OGT: variants seen among roughly 807,000 people sequenced by gnomAD.
OGT encodes the protein UDP-N-acetylglucosamine--peptide N-acetylglucosaminyltransferase 110 kDa subunit.
OGT carries 3 observed loss-of-function variants against 75.8 expected under a neutral mutation model. The ratio of observed to expected loss-of-function variants is 0.04; its 90% CI spans 0.02 to 0.10. OGT has a LOEUF of 0.10. Among genes scored for constraint, OGT ranks in the 10% least tolerant of loss-of-function variants. The pLI is 1.00. For missense variants in OGT, 260 were observed against 824.4 expected (o/e 0.32, Z 8.38); for synonymous variants, 257 against 289.7 (o/e 0.89, Z 1.15).
At chrX:71,570,334 T>C (rs2040449584) in intron 21 of OGT, among the ~76,000 whole-genome samples, 1 of 111,892 alleles carries the variant, frequency 8.9e-6, no homozygotes, top group Non-Finnish European at 1.9e-5. Context: ...CCACCGTGCC[T>C]GACGGGTATT....
chrX:71,567,149 A>G (rs2040422031), intron 19 of OGT, among the ~76,000 whole-genome samples: 1 of 112,562 alleles, frequency 8.9e-6, no homozygotes, highest in Non-Finnish European at 1.9e-5. Flanking sequence ...AGGCAAAGAA[A>G]GTTAGGCAAG....
chrX:71,547,117 A>C, intron 4 of OGT: 1 of 754,522 alleles, frequency 1.3e-6, no homozygotes. Flanking sequence ...AGGGACCTCA[A>C]CCTAGGTGCA....
intron 18 of OGT, 144 bp from the exon 19 acceptor site, chrX:71,564,457 T>C: frequency 2.1e-6 from 1 of 483,230 alleles, no homozygotes; most frequent in East Asian, 4.1e-5. Flanking sequence ...CTGCAACGGT[T>C]TGCCTTTTCT....
chrX:71,573,232 G>T (rs1489827358), intron 21 of OGT, among the ~76,000 whole-genome samples: 1 of 112,008 alleles, frequency 8.9e-6, no homozygotes, highest in East Asian at 2.8e-4. Context: ...AGGCCAGAGG[G>T]TTATGAACAT....
At chrX:71,569,582 C>A (rs975814523) in intron 21 of OGT, among the ~76,000 whole-genome samples, 3 of 110,431 alleles carry the variant, frequency 2.7e-5, no homozygotes, top group African/African-American at 9.9e-5. Flanking sequence ...CCTCCACGTC[C>A]TGGGCTCAGG....
chrX:71,536,970 T>G (rs1212241110), intron 2 of OGT: 2 of 194,768 alleles, frequency 1.0e-5, no homozygotes, highest in Non-Finnish European at 1.8e-5. Context: ...GGGTTTTTTT[T>G]TTTTTTTTTT....
chrX:71,571,079 G>A (rs1473394944), intron 21 of OGT, among the ~76,000 whole-genome samples: 3 of 109,534 alleles, frequency 2.7e-5, no homozygotes, highest in African/African-American at 1.0e-4. Context: ...GGGATTACAG[G>A]CGCGTGAGAC....
In OGT at chrX:71,533,179, A is replaced by G. The variant is rs2040146183; in HGVS notation, c.-121A>G. 4.5e-6 allele frequency: 3 copies of G among 673,084 alleles called. No individual in the cohort carries two copies. Among genetic ancestry groups the G allele is most frequent in the South Asian group, 4.9e-5 (2 of 40,905 alleles). The allele number at this position is 673,084 out of a possible 1,213,427, so 55.5% of individuals were successfully genotyped here. ...AGCCTGTAACTGCTGCCGCCGCTCA[A>G]GCCCTCCAGAGCATTGCTACGGCTG... On this transcript the variant is annotated 5_prime_UTR_variant, in exon 1 of 22. Coordinates refer to ENST00000373719, the MANE Select transcript of OGT (RefSeq NM_181672.3).
At chrX:71,546,760 GCT>G in intron 4 of OGT, 1 of 754,170 alleles carries the variant, frequency 1.3e-6, no homozygotes, top group Non-Finnish European at 1.6e-6. Flanking sequence ...GCAGCATTCT[GCT>G]CTTCTGATGA....
intron 5 of OGT, among the ~76,000 whole-genome samples, chrX:71,552,091 G>T (rs912674541): frequency 1.9e-5 from 2 of 107,722 alleles, no homozygotes; most frequent in Admixed American, 9.9e-5. Flanking sequence ...GTGCGGTGGC[G>T]TGTGCCTGTA....
chrX:71,571,808 C>T (rs922873205), intron 21 of OGT, among the ~76,000 whole-genome samples: 3 of 109,251 alleles, frequency 2.7e-5, no homozygotes, highest in Admixed American at 9.8e-5. Context: ...CTTGCTCTGT[C>T]GCCCAAGTTG....
chrX:71,563,064 T>G, intron 16 of OGT, 47 bp downstream of exon 16: 1 of 1,192,507 alleles, frequency 8.4e-7, no homozygotes, highest in Non-Finnish European at 1.1e-6. Flanking sequence ...AACTGTAGCT[T>G]TTTATTTCCT....
intron 14 of OGT, among the ~76,000 whole-genome samples, chrX:71,559,888 G>C (rs914841196): frequency 9.0e-6 from 1 of 111,695 alleles, no homozygotes; most frequent in African/African-American, 3.3e-5. Context: ...CTTGTGCTTG[G>C]ACATACAACT....
chrX:71,569,210 C>T (rs921834213), intron 21 of OGT, among the ~76,000 whole-genome samples: 1 of 111,607 alleles, frequency 9.0e-6, no homozygotes, highest in Non-Finnish European at 1.9e-5. Context: ...CGTCTGTAGT[C>T]CCAGCTACTT....
Position 71,568,024 on chromosome X carries a change from C to T in OGT, c.2874C>T (p.Ser958=). 1 of 1,209,426 alleles carries T rather than the reference C, an allele frequency of 8.3e-7. No individual in the cohort carries two copies. Among genetic ancestry groups the T allele is most frequent in the Non-Finnish European group, 1.1e-6 (1 of 893,990 alleles). The change falls in exon 21 of 22, where the codon TCC becomes TCT. Residue 958 remains serine (S), a synonymous_variant. Transcript: ENST00000373719. ...GETLASRVAA[S]QLTCLGCLEL... is the part of the protein sequence containing the mutation. ...CTCTTGCTTCTCGAGTTGCAGCATC[C>T]CAGCTCACTTGCTTAGGTTGTCTTG... is the stretch of plus-strand genomic sequence containing the variant.
intron 14 of OGT, among the ~76,000 whole-genome samples, chrX:71,560,275 C>CAA (rs764918597): frequency 0.042 from 1,902 of 45,700 alleles, 43 homozygotes; most frequent in Non-Finnish European, 0.064. Context: ...GACTCTGTCT[C>CAA]AAAAAAAAAA....
At chrX:71,567,358 T>C in intron 19 of OGT, 142 bp from the exon 20 acceptor site, 1 of 416,197 alleles carries the variant, frequency 2.4e-6, no homozygotes, top group Non-Finnish European at 3.9e-6. Flanking sequence ...TTCATCTCTG[T>C]GAAGGAAAGA....
At chrX:71,560,035 A>C (rs1297128866) in intron 14 of OGT, among the ~76,000 whole-genome samples, 1 of 110,727 alleles carries the variant, frequency 9.0e-6, no homozygotes, top group Non-Finnish European at 1.9e-5. Flanking sequence ...TAATCCCAGC[A>C]CTTTGGGAGG....
At chrX:71,562,186 G>A (rs763996083) in intron 15 of OGT, among the ~76,000 whole-genome samples, 3 of 112,621 alleles carry the variant, frequency 2.7e-5, no homozygotes, top group South Asian at 3.7e-4. Flanking sequence ...AATACAGGCC[G>A]GGTATGGTGG....
Sources: allele counts gnomAD v4.1 joint callset (sites outside exome capture counted in the v4.1 genomes callset), GRCh38; gene constraint gnomAD v4.1.1; transcripts MANE v1.5; gene names NCBI Gene and HGNC (gene_info 2026-07-23, HGNC 2026-07-21).